LIMS1: variants seen among roughly 807,000 people sequenced by gnomAD.
LIMS1 encodes LIM zinc finger domain containing 1, also known as LIM and senescent cell antigen-like-containing domain protein 1.
In LIMS1, 18 loss-of-function variants were observed where a neutral mutation model predicts 44.1. The observed-to-expected ratio is 0.41, with a 90% confidence interval of 0.28 to 0.61. The LOEUF (loss-of-function observed/expected upper bound fraction) is 0.61, where lower values mean the gene tolerates loss of function less well. Ranked by LOEUF, LIMS1 falls within the 20% of genes least tolerant of loss-of-function variation. The pLI is 0.32. For missense variants in LIMS1, 201 were observed against 422.0 expected (o/e 0.48, Z 4.59); for synonymous variants, 93 against 149.1 (o/e 0.62, Z 2.74).
intron 1 of LIMS1, among the ~76,000 whole-genome samples, chr2:108,558,486 GGT>G (rs1685003318): frequency 6.6e-6 from 1 of 151,936 alleles, no homozygotes; most frequent in Non-Finnish European, 1.5e-5. Context: ...TGGGATTACA[GGT>G]GTGAGCCACC....
At chr2:108,621,234 G>C in intron 1 of LIMS1, 1 of 1,482,896 alleles carries the variant, frequency 6.7e-7, no homozygotes, top group Non-Finnish European at 9.0e-7. Flanking sequence ...CTGCCTGGAG[G>C]TTTCTAAGGC....
intron 2 of LIMS1, among the ~76,000 whole-genome samples, chr2:108,664,088 C>T (rs1691581703): frequency 6.6e-6 from 1 of 152,084 alleles, no homozygotes; most frequent in South Asian, 2.1e-4. Flanking sequence ...AGTCTTGTAG[C>T]AAGATGTTTT....
At chr2:108,581,689 G>A (rs1216308972) in intron 1 of LIMS1, among the ~76,000 whole-genome samples, 1 of 152,170 alleles carries the variant, frequency 6.6e-6, no homozygotes, top group Non-Finnish European at 1.5e-5. Flanking sequence ...TGTAATCCTA[G>A]CACTTTGGGA....
chr2:108,565,019 G>C (rs1191559593), intron 1 of LIMS1, among the ~76,000 whole-genome samples: 1 of 135,262 alleles, frequency 7.4e-6, no homozygotes, highest in Admixed American at 8.3e-5. Flanking sequence ...GGAAGTGTTT[G>C]TGCTGGACAA....
chr2:108,621,183 G>A (rs1688215182), intron 1 of LIMS1: 1 of 1,249,892 alleles, frequency 8.0e-7, no homozygotes, highest in South Asian at 1.5e-5. Context: ...AGGAGGGTGT[G>A]TACCAGTGAG....
At chr2:108,561,088 A>G (rs1270117236) in intron 1 of LIMS1, among the ~76,000 whole-genome samples, 1 of 152,224 alleles carries the variant, frequency 6.6e-6, no homozygotes, top group African/African-American at 2.4e-5. Context: ...TGCAAAGTGC[A>G]AACACCAGTA....
At chr2:108,674,672 G>T (rs1378733833) in intron 5 of LIMS1, among the ~76,000 whole-genome samples, 2 of 129,700 alleles carry the variant, frequency 1.5e-5, no homozygotes, top group Non-Finnish European at 3.2e-5. Context: ...AGTGAGTGTG[G>T]ATCGCGCCAC....
intron 1 of LIMS1, among the ~76,000 whole-genome samples, chr2:108,557,164 A>T (rs768114596): frequency 2.0e-5 from 3 of 151,904 alleles, no homozygotes; most frequent in Non-Finnish European, 4.4e-5. Flanking sequence ...TGCAGCCTCA[A>T]CCTCCTGAGC....
At chr2:108,648,288 A>G (rs1396121340) in intron 1 of LIMS1, among the ~76,000 whole-genome samples, 2 of 152,222 alleles carry the variant, frequency 1.3e-5, no homozygotes, top group Non-Finnish European at 2.9e-5. Context: ...AAGGAGAACT[A>G]CAAACCACTG....
chr2:108,596,422 G>A (rs1686685480), intron 1 of LIMS1, among the ~76,000 whole-genome samples: 1 of 152,238 alleles, frequency 6.6e-6, no homozygotes, highest in Non-Finnish European at 1.5e-5. Flanking sequence ...GAGGAAAATG[G>A]GAGCACACTT....
intron 1 of LIMS1, among the ~76,000 whole-genome samples, chr2:108,603,515 T>TTTTTC (rs1415884171): frequency 4.0e-5 from 6 of 149,298 alleles, no homozygotes; most frequent in East Asian, 4.0e-4. Context: ...TTTTTTTTTT[T>TTTTTC]TCCACTTGAG....
intron 2 of LIMS1, 61 bp downstream of exon 2, chr2:108,659,825 T>C: frequency 1.2e-6 from 2 of 1,612,046 alleles, no homozygotes; most frequent in Middle Eastern, 2.2e-4. Context: ...TTCCTGCCCT[T>C]CTTTCCTGAG....
intron 1 of LIMS1, among the ~76,000 whole-genome samples, chr2:108,578,760 A>AT (rs1685772733): frequency 6.6e-6 from 1 of 151,228 alleles, no homozygotes; most frequent in African/African-American, 2.4e-5. Context: ...CGCCTGGCTA[A>AT]TTTTTTTGTA....
intron 1 of LIMS1, among the ~76,000 whole-genome samples, chr2:108,552,264 G>C (rs961346305): frequency 7.5e-6 from 1 of 132,782 alleles, no homozygotes; most frequent in African/African-American, 2.8e-5. Context: ...TATACTACAC[G>C]TATAGTATAT....
chr2:108,677,660 G>A lies in LIMS1; in HGVS notation c.775-319G>A, dbSNP rs552784306. 5.0e-3 allele frequency among the ~76,000 whole-genome samples: 762 copies of A among 152,120 alleles called. 5 individuals carry two copies. The highest frequency in any genetic ancestry group is 0.017 in the African/African-American group (722 of 41,476). ...CTCCACCCATAGTCTGGTCCTCAGC[G>A]CTCTGCCTGAGCAAGAACCCACCTC... On this transcript the variant is annotated intron_variant, in intron 7 of 9. Transcript: ENST00000544547.
intron 1 of LIMS1, among the ~76,000 whole-genome samples, chr2:108,539,651 C>T (rs1044469724): frequency 3.9e-5 from 6 of 152,164 alleles, no homozygotes; most frequent in African/African-American, 1.4e-4. Flanking sequence ...AGTCTAGGCA[C>T]CTGAGAATCC....
chr2:108,618,666 A>C (rs1019885897), intron 1 of LIMS1, among the ~76,000 whole-genome samples: 20 of 152,014 alleles, frequency 1.3e-4, no homozygotes, highest in Admixed American at 4.6e-4. Context: ...CTCTACTAAA[A>C]TACAAAAAAT....
chr2:108,683,073 T>C (rs980649453), intron 9 of LIMS1, among the ~76,000 whole-genome samples: 3 of 152,216 alleles, frequency 2.0e-5, no homozygotes, highest in African/African-American at 7.2e-5. Flanking sequence ...AAAGAATAGT[T>C]GAGTTCTTCA....
Position 108,670,777 on chromosome 2 carries a change from T to C in LIMS1, c.193-4T>C. On this transcript the variant is annotated splice_polypyrimidine_tract_variant and splice_region_variant and intron_variant, in intron 2 of 9. Transcript: ENST00000544547. Reference sequence around the variant, plus strand: ...TTGTAAGTTGGTGGTACCCTCTCTTTCAGTTTGAAGGAAGAAAGTACTGTG... The same window carrying C: ...TTGTAAGTTGGTGGTACCCTCTCTTCCAGTTTGAAGGAAGAAAGTACTGTG... 1 of 1,611,960 alleles carries C rather than the reference T, an allele frequency of 6.2e-7. No individual in the cohort carries two copies. Among genetic ancestry groups the C allele is most frequent in the Non-Finnish European group, 8.5e-7 (1 of 1,179,850 alleles).
Sources: allele counts gnomAD v4.1 joint callset (sites outside exome capture counted in the v4.1 genomes callset), GRCh38; gene constraint gnomAD v4.1.1; transcripts MANE v1.5; gene names NCBI Gene and HGNC (gene_info 2026-07-23, HGNC 2026-07-21).